MMP26: variants seen among roughly 807,000 people sequenced by gnomAD.
The protein encoded by MMP26 is matrix metallopeptidase 26, also known as matrix metalloproteinase-26.
A neutral mutation model predicts 31.0 loss-of-function variants in MMP26; 33 were observed. The ratio of observed to expected loss-of-function variants is 1.06; its 90% CI spans 0.81 to 1.42. MMP26 has a LOEUF of 1.42. Ranked by LOEUF, MMP26 falls within the 40% of genes most tolerant of loss-of-function variation. The pLI, the probability that MMP26 is intolerant of heterozygous loss-of-function variation, is 0.00. For synonymous variants in MMP26, 122 were observed against 114.9 expected, an observed-to-expected ratio of 1.06 and a Z score of -0.40; for missense variants, 347 against 316.1, an observed-to-expected ratio of 1.10 and a Z score of -0.74.
chr11:4,760,348 G>C (rs560805542), intron 1 of MMP26, among the ~76,000 whole-genome samples: 4 of 152,124 alleles, frequency 2.6e-5, no homozygotes, highest in African/African-American at 9.7e-5. Flanking sequence ...CTGAATTTAG[G>C]AACAGCATCT....
intron 3 of MMP26, 86 bp from the exon 4 acceptor site, chr11:4,989,562 C>A: frequency 9.5e-7 from 1 of 1,056,222 alleles, no homozygotes; most frequent in Non-Finnish European, 1.4e-6. Context: ...CCTTCTGAGA[C>A]CCTCAAAGAA....
At chr11:4,930,106 T>A (rs1851325801) in intron 2 of MMP26, among the ~76,000 whole-genome samples, 1 of 152,090 alleles carries the variant, frequency 6.6e-6, no homozygotes, top group Non-Finnish European at 1.5e-5. Context: ...ATTAGGACAT[T>A]TTGTGGCAAA....
intron 2 of MMP26, chr11:4,882,562 C>G: frequency 6.2e-7 from 1 of 1,613,896 alleles, no homozygotes; most frequent in Non-Finnish European, 8.5e-7. Context: ...TCTCCTATGT[C>G]CTGATCCTCC....
chr11:4,928,433 T>A (rs1442261095), intron 2 of MMP26, among the ~76,000 whole-genome samples: 1 of 152,198 alleles, frequency 6.6e-6, no homozygotes, highest in Non-Finnish European at 1.5e-5. Flanking sequence ...ACCAACCCAT[T>A]TTAACTACCA....
At chr11:4,946,293 A>G (rs751532870) in intron 2 of MMP26, 3 of 1,613,746 alleles carry the variant, frequency 1.9e-6, no homozygotes, top group Middle Eastern at 1.6e-4. Flanking sequence ...ATGAGGGGAG[A>G]GACATGCCGG....
In MMP26 at chr11:4,751,226, TCTG is replaced by T. The variant is rs541246325; in HGVS notation, c.-216-16040_-216-16038del. Among the ~76,000 whole-genome samples, 15 of 152,266 alleles carry T rather than the reference TCTG, an allele frequency of 9.9e-5. No individual in the cohort carries two copies. In the East Asian group the frequency reaches 2.5e-3, roughly 25 times the overall value. ...TAAGTATCTACTATGTGAAAGGTGT[TCTG>T]CTGAGTATTACAGAGCCTTCAAATA... On this transcript the variant is annotated intron_variant, in intron 1 of 7. Coordinates refer to ENST00000380390, the MANE Select transcript of MMP26 (RefSeq NM_021801.5).
chr11:4,734,847 T>TATAAGCAGGGCATAGGCAGAATAG (rs1283235627), intron 1 of MMP26, among the ~76,000 whole-genome samples: 103 of 59,760 alleles, frequency 1.7e-3, no homozygotes, highest in Middle Eastern at 0.011. Context: ...TAGCATATTT[T>TATAAGCAGGGCATAGGCAGAATAG]CAGCTTGTAT....
At chr11:4,940,045 A>G (rs967410230) in intron 2 of MMP26, among the ~76,000 whole-genome samples, 2 of 151,862 alleles carry the variant, frequency 1.3e-5, no homozygotes, top group African/African-American at 4.8e-5. Context: ...TAAAATATAT[A>G]GGACAAACAC....
At chr11:4,809,164 C>G (rs1849317300) in intron 2 of MMP26, among the ~76,000 whole-genome samples, 1 of 152,124 alleles carries the variant, frequency 6.6e-6, no homozygotes, top group Admixed American at 6.6e-5. Context: ...CTCCCCAACA[C>G]TGCTTTTAAA....
chr11:4,777,448 C>T (rs1848804144), intron 2 of MMP26, among the ~76,000 whole-genome samples: 1 of 152,022 alleles, frequency 6.6e-6, no homozygotes, highest in Non-Finnish European at 1.5e-5. Context: ...AGGAATTTAT[C>T]CTTAAATATT....
intron 2 of MMP26, among the ~76,000 whole-genome samples, chr11:4,925,969 A>G (rs981936600): frequency 6.6e-6 from 1 of 152,156 alleles, no homozygotes; most frequent in African/African-American, 2.4e-5. Context: ...TTTCCCTCTG[A>G]GAGAAAATCT....
At chr11:4,734,759 T>C (rs74329539) in intron 1 of MMP26, among the ~76,000 whole-genome samples, 2,077 of 127,234 alleles carry the variant, frequency 0.016, 8 homozygotes, top group Non-Finnish European at 0.02. Context: ...TACACTCCTT[T>C]TATATAAGCA....
intron 4 of MMP26, 120 bp from the exon 5 acceptor site, chr11:4,990,478 A>G: frequency 8.4e-6 from 8 of 957,324 alleles, no homozygotes; most frequent in South Asian, 3.0e-5. Context: ...AACTTTATAA[A>G]TAACCAAAAT....
At chr11:4,733,597 G>A (rs113731804) in intron 1 of MMP26, among the ~76,000 whole-genome samples, 1 of 151,988 alleles carries the variant, frequency 6.6e-6, no homozygotes, top group African/African-American at 2.4e-5. Context: ...AAAATTCTTA[G>A]AATTTTCTAT....
At position 4,783,005 on chromosome 11, in the gene MMP26, G is replaced by C. The variant is rs184915556; in HGVS notation, c.-145+15664G>C. 9.8e-5 allele frequency among the ~76,000 whole-genome samples: 15 copies of C among 152,352 alleles called. No individual in the cohort carries two copies. The East Asian group carries it at 2.5e-3, about 25-fold the overall frequency. ...TTGGCTGTAGGGGTGGGGCTGTCAA[G>C]GAGAACCTTTGCTAGGGCAGTGCAG... On this transcript the variant is annotated intron_variant, in intron 2 of 7. Coordinates refer to ENST00000380390, the MANE Select transcript of MMP26 (RefSeq NM_021801.5).
chr11:4,922,609 G>A (rs1030769623), intron 2 of MMP26, among the ~76,000 whole-genome samples: 2 of 152,184 alleles, frequency 1.3e-5, no homozygotes, highest in African/African-American at 4.8e-5. Context: ...TAGATACAGA[G>A]ATGAGAGAAA....
chr11:4,851,887 C>A (rs1849980632), intron 2 of MMP26, among the ~76,000 whole-genome samples: 1 of 151,488 alleles, frequency 6.6e-6, no homozygotes, highest in Admixed American at 6.6e-5. Flanking sequence ...AGCAGTGGAA[C>A]AAAAAAAGAC....
intron 2 of MMP26, among the ~76,000 whole-genome samples, chr11:4,862,880 G>A (rs1850182642): frequency 1.3e-5 from 2 of 152,174 alleles, no homozygotes; most frequent in Non-Finnish European, 2.9e-5. Context: ...AAATGACAAT[G>A]GTCAGATCTA....
At chr11:4,787,414 A>C (rs756870256) in intron 2 of MMP26, 1 of 152,172 alleles carries the variant, frequency 6.6e-6, no homozygotes, top group South Asian at 2.1e-4. Flanking sequence ...GCTTTCCTAC[A>C]TCCTGATAAT....
Sources: allele counts gnomAD v4.1 joint callset (sites outside exome capture counted in the v4.1 genomes callset), GRCh38; gene constraint gnomAD v4.1.1; transcripts MANE v1.5; gene names NCBI Gene and HGNC (gene_info 2026-07-23, HGNC 2026-07-21).